Variants in CCDC63 observed in about 807,000 individuals in gnomAD.
CCDC63 encodes coiled-coil domain containing 63.
A neutral mutation model predicts 63.6 loss-of-function variants in CCDC63; 54 were observed. The ratio of observed to expected loss-of-function variants is 0.85; its 90% CI spans 0.68 to 1.07. CCDC63 has a LOEUF of 1.07. Among genes scored for constraint, CCDC63 ranks in the 50% least tolerant of loss-of-function variants. CCDC63 has a pLI of 0.00. For synonymous variants in CCDC63, 253 were observed against 266.1 expected, an observed-to-expected ratio of 0.95 and a Z score of 0.48; for missense variants, 637 against 689.6, an observed-to-expected ratio of 0.92 and a Z score of 0.86.
At chr12:110,897,732 G>GTTTT (rs1208926440) in intron 9 of CCDC63, among the ~76,000 whole-genome samples, 4 of 121,270 alleles carry the variant, frequency 3.3e-5, no homozygotes, top group Non-Finnish European at 5.2e-5. Context: ...GGACCACCTT[G>GTTTT]TTTTTTTTTT....
intron 2 of CCDC63, 87 bp from the exon 3 acceptor site, chr12:110,853,318 C>G (rs573503242): frequency 1.5e-6 from 2 of 1,336,362 alleles, no homozygotes; most frequent in African/African-American, 3.0e-5. Context: ...CCAGCCACCC[C>G]CACTGCCCTT....
In CCDC63 at chr12:110,884,219, A is replaced by C. The variant is rs1488597918; in HGVS notation, c.1043A>C (p.Glu348Ala). 1 of 1,614,098 alleles carries C rather than the reference A, an allele frequency of 6.2e-7. No individual in the cohort carries two copies. Among genetic ancestry groups the C allele is most frequent in the Non-Finnish European group, 8.5e-7 (1 of 1,180,018 alleles). Residue 348 changes from glutamate (E) to alanine (A), a missense_variant, in exon 8 of 12, where the codon GAG (glutamate) becomes GCG (alanine). Coordinates refer to ENST00000308208, the MANE Select transcript of CCDC63 (RefSeq NM_152591.3). ...TYVTELNNDM[E>A]MMHKRTQRIQ... ...GTCACGGAGCTCAACAACGACATGG[A>C]GATGATGCACAAGAGGACCCAACGA... is the stretch of plus-strand genomic sequence containing the variant.
chr12:110,898,398 A>C (rs1224979681), intron 9 of CCDC63, among the ~76,000 whole-genome samples: 8 of 150,814 alleles, frequency 5.3e-5, no homozygotes. Flanking sequence ...CAACGTGGGC[A>C]GATCACTTGA....
intron 8 of CCDC63, among the ~76,000 whole-genome samples, chr12:110,891,155 C>T (rs2071351610): frequency 6.6e-6 from 1 of 151,928 alleles, no homozygotes; most frequent in Admixed American, 6.6e-5. Flanking sequence ...CTTAAAAATG[C>T]ACATTCCAGG....
At chr12:110,876,266 G>GC (rs66520527) in intron 5 of CCDC63, among the ~76,000 whole-genome samples, 152,174 of 152,174 alleles carry the variant, frequency 1, 76,087 homozygotes, top group Non-Finnish European at 1. Context: ...TAGATAGTAT[G>GC]CTACGGTCCT....
chr12:110,906,149 T>C (rs2071576933), intron 11 of CCDC63, among the ~76,000 whole-genome samples: 1 of 128,566 alleles, frequency 7.8e-6, no homozygotes, highest in African/African-American at 3.0e-5. Flanking sequence ...ATATTTTTGG[T>C]TGTCACAACT....
intron 8 of CCDC63, among the ~76,000 whole-genome samples, chr12:110,888,608 G>A (rs2071314451): frequency 6.6e-6 from 1 of 152,134 alleles, no homozygotes; most frequent in Admixed American, 6.6e-5. Context: ...ATTTCCAATG[G>A]TAAGACTTAA....
intron 1 of CCDC63, among the ~76,000 whole-genome samples, chr12:110,847,411 C>T (rs916935190): frequency 6.6e-5 from 10 of 151,988 alleles, no homozygotes; most frequent in Admixed American, 2.6e-4. Context: ...AAAACTTAGC[C>T]GGGCGTGGTG....
intron 4 of CCDC63, among the ~76,000 whole-genome samples, chr12:110,863,821 G>A (rs531045756): frequency 8.5e-5 from 13 of 152,274 alleles, no homozygotes; most frequent in Non-Finnish European, 1.8e-4. Flanking sequence ...GATTACAGGC[G>A]TGAGCCACCA....
At chr12:110,868,766 G>T (rs71458380) in intron 4 of CCDC63, among the ~76,000 whole-genome samples, 1 of 73,632 alleles carries the variant, frequency 1.4e-5, no homozygotes, top group Non-Finnish European at 2.7e-5. Flanking sequence ...AGGGGGAGGG[G>T]GAGGGAGAGG....
At chr12:110,861,838 T>TGG (rs1287472052) in intron 4 of CCDC63, among the ~76,000 whole-genome samples, 2 of 151,900 alleles carry the variant, frequency 1.3e-5, no homozygotes, top group Non-Finnish European at 2.9e-5. Context: ...TCTGAAGTGC[T>TGG]GGGATTACAG....
intron 5 of CCDC63, among the ~76,000 whole-genome samples, chr12:110,878,806 A>G (rs1026029155): frequency 2.0e-5 from 3 of 152,188 alleles, no homozygotes; most frequent in African/African-American, 7.2e-5. Context: ...ACTTCTTTAG[A>G]AACCTTCATC....
At chr12:110,873,639 G>A (rs944828672) in intron 4 of CCDC63, among the ~76,000 whole-genome samples, 2 of 152,104 alleles carry the variant, frequency 1.3e-5, no homozygotes, top group Non-Finnish European at 2.9e-5. Flanking sequence ...TAACTGAGGA[G>A]GCATCCAACA....
intron 1 of CCDC63, 86 bp from the exon 2 acceptor site, chr12:110,852,773 G>T (rs777330511): frequency 3.0e-4 from 241 of 806,904 alleles, no homozygotes; most frequent in Non-Finnish European, 3.8e-4. Context: ...GGAAGGGATG[G>T]CAGGGGGAGG....
chr12:110,881,388 T>G, intron 7 of CCDC63, 92 bp downstream of exon 7: 1 of 1,291,138 alleles, frequency 7.7e-7, no homozygotes, highest in Non-Finnish European at 1.1e-6. Flanking sequence ...TGCCCAAGTC[T>G]CCTTGTGGTT....
intron 4 of CCDC63, among the ~76,000 whole-genome samples, chr12:110,871,878 A>G (rs531793288): frequency 1.3e-5 from 2 of 152,116 alleles, no homozygotes; most frequent in African/African-American, 2.4e-5. Context: ...CTCTTCCAGG[A>G]TATGCACTTT....
At chr12:110,861,989 G>C (rs2070860369) in intron 4 of CCDC63, among the ~76,000 whole-genome samples, 1 of 152,040 alleles carries the variant, frequency 6.6e-6, no homozygotes, top group Non-Finnish European at 1.5e-5. Context: ...CCCCTTCGTG[G>C]CTTGTTTCCA....
At chr12:110,864,511 G>A (rs2070912083) in intron 4 of CCDC63, among the ~76,000 whole-genome samples, 1 of 151,632 alleles carries the variant, frequency 6.6e-6, no homozygotes, top group African/African-American at 2.4e-5. Flanking sequence ...ATCACCTGAG[G>A]TCAGGAGTTC....
At chr12:110,895,455 A>G (rs1003047229) in intron 9 of CCDC63, among the ~76,000 whole-genome samples, 1 of 151,932 alleles carries the variant, frequency 6.6e-6, no homozygotes, top group East Asian at 1.9e-4. Flanking sequence ...GATGTTTCCT[A>G]CCCCCTGCTA....
Sources: allele counts gnomAD v4.1 joint callset (sites outside exome capture counted in the v4.1 genomes callset), GRCh38; gene constraint gnomAD v4.1.1; transcripts MANE v1.5; gene names NCBI Gene and HGNC (gene_info 2026-07-23, HGNC 2026-07-21).